The following JAGN1 variants were observed in gnomAD, a reference collection of about 807,000 sequenced individuals.
The protein encoded by JAGN1 is jagunal vesicle mediated transporter 1.
In JAGN1, 13 loss-of-function variants were observed where a neutral mutation model predicts 17.1. That is an observed-to-expected ratio of 0.76 (90% confidence interval 0.49 to 1.21). The LOEUF (loss-of-function observed/expected upper bound fraction) is 1.21. Ranked by LOEUF, JAGN1 falls within the 50% of genes most tolerant of loss-of-function variation. The pLI, the probability that JAGN1 is intolerant of heterozygous loss-of-function variation, is 0.00. For synonymous variants in JAGN1, 111 were observed against 91.0 expected, an observed-to-expected ratio of 1.22 and a Z score of -1.25; for missense variants, 256 against 234.2, an observed-to-expected ratio of 1.09 and a Z score of -0.61.
At chr3:9,892,523 C>A (rs914352652) in intron 1 of JAGN1, among the ~76,000 whole-genome samples, 2 of 152,072 alleles carry the variant, frequency 1.3e-5, no homozygotes, top group Non-Finnish European at 2.9e-5. Flanking sequence ...CCCCTCTCCC[C>A]CTAACAATAT....
rs2082577581 is a variant in JAGN1 at position 9,893,550 on chromosome 3, T to A, written c.*173T>A. The A allele has an allele frequency of 3.4e-6, 2 of 587,642 alleles. No individual in the cohort carries two copies. The highest frequency in any genetic ancestry group is 4.6e-5 in the South Asian group (2 of 43,424). The allele number at this position is 587,642 out of a possible 1,614,324, so 36.4% of individuals were successfully genotyped here. A position where few individuals can be genotyped will look rare whatever the true frequency, so the allele number is the denominator to read the frequency against. On this transcript the variant is annotated 3_prime_UTR_variant, in exon 2 of 2. Coordinates refer to ENST00000647897, the MANE Select transcript of JAGN1 (RefSeq NM_032492.4). ...CTGCTGAGGTGGCAAAACTATAATT[T>A]ATTCCTGGTTGGCTAGAACTGGGTG...
At position 9,890,654 on chromosome 3, in the gene JAGN1, T is replaced by G; in HGVS notation, c.-69T>G. ...GCTGCGGGGGCGCAAATAGGGTCAG[T>G]GGGCCGCTTGGCGGTGTCGTTGCGG... On this transcript the variant is annotated 5_prime_UTR_variant, in exon 1 of 2. Transcript: ENST00000647897. The G allele has an allele frequency of 6.8e-7, 1 of 1,476,664 alleles. No individual in the cohort carries two copies. 91.5% of individuals were successfully genotyped at this position (1,476,664 alleles called of 1,614,324 possible).
chr3:9,891,883 A>C (rs2082564736), intron 1 of JAGN1, among the ~76,000 whole-genome samples: 1 of 152,134 alleles, frequency 6.6e-6, no homozygotes, highest in Admixed American at 6.5e-5. Context: ...CTAGCTGGAG[A>C]AGTATGGGCG....
At position 9,890,661 on chromosome 3, in the gene JAGN1, C is replaced by A; in HGVS notation, c.-62C>A. ...GGGCGCAAATAGGGTCAGTGGGCCG[C>A]TTGGCGGTGTCGTTGCGGTACCAGG... On this transcript the variant is annotated 5_prime_UTR_variant, in exon 1 of 2. Transcript: ENST00000647897. 3 of 1,505,344 alleles carry A rather than the reference C, an allele frequency of 2.0e-6. No individual in the cohort carries two copies. Among genetic ancestry groups the A allele is most frequent in the East Asian group, 2.4e-5 (1 of 42,006 alleles). 93.2% of individuals were successfully genotyped at this position (1,505,344 alleles called of 1,614,324 possible).
At chr3:9,892,358 T>C (rs2082568514) in intron 1 of JAGN1, among the ~76,000 whole-genome samples, 2 of 144,664 alleles carry the variant, frequency 1.4e-5, no homozygotes, top group African/African-American at 2.6e-5. Flanking sequence ...TTTTTTTTTA[T>C]GGAGATGGGG....
At chr3:9,890,903 C>T (rs1389705761) in intron 1 of JAGN1, 92 bp downstream of exon 1, 30 of 1,128,166 alleles carry the variant, frequency 2.7e-5, no homozygotes, top group Non-Finnish European at 3.4e-5. Flanking sequence ...CAGGGTCTTG[C>T]TCCCCAGCCA....
chr3:9,893,198 G>T lies in JAGN1; in HGVS notation c.373G>T (p.Ala125Ser). 6.2e-7 allele frequency: 1 copy of T among 1,614,208 alleles called. No homozygotes were observed. The highest frequency in any genetic ancestry group is 8.5e-7 in the Non-Finnish European group (1 of 1,180,028). Reference protein sequence around the residue: ...LIYGSMEMFPAAQQLYRHGKA... With the variant: ...LIYGSMEMFPSAQQLYRHGKA... ...TTATGGCAGCATGGAGATGTTCCCT[G>T]CTGCACAGCAGCTCTACCGCCATGG... The change falls in exon 2 of 2, where the codon GCT becomes TCT. Residue 125 changes from alanine to serine, a missense_variant. Coordinates refer to ENST00000647897, the MANE Select transcript of JAGN1 (RefSeq NM_032492.4).
Position 9,893,491 on chromosome 3 carries a change from C to T in JAGN1, c.*114C>T, listed in dbSNP as rs756964503. On this transcript the variant is annotated 3_prime_UTR_variant, in exon 2 of 2. Transcript: ENST00000647897. ...CTGTGATGTTGGTACCTGGTGCAGA[C>T]CAGGCCAAAGTTCTGGAAAGCTCCT... 2 of 853,982 alleles carry T rather than the reference C, an allele frequency of 2.3e-6. No homozygotes were observed. The highest frequency in any genetic ancestry group is 3.5e-6 in the Non-Finnish European group (2 of 567,086). The allele number at this position is 853,982 out of a possible 1,614,324, so 52.9% of individuals were successfully genotyped here.
At position 9,890,612 on chromosome 3, in the gene JAGN1, C is replaced by T. The variant is rs1163610752; in HGVS notation, c.-111C>T. 3 of 1,020,174 alleles carry T rather than the reference C, an allele frequency of 2.9e-6. No homozygotes were observed. The highest frequency in any genetic ancestry group is 2.9e-6 in the Non-Finnish European group (2 of 696,110). 63.2% of individuals were successfully genotyped at this position (1,020,174 alleles called of 1,614,324 possible). On this transcript the variant is annotated 5_prime_UTR_variant, in exon 1 of 2. Transcript: ENST00000647897. The stretch of plus-strand genomic sequence containing the variant: ...CAGAGACAGAGGGGCCGGAAGTTCT[C>T]TTCACGGAGCCGCGCGGCTGCGGGG...
In JAGN1 at chr3:9,891,006, C is replaced by G. The variant is rs1350057657; in HGVS notation, c.89+195C>G. On this transcript the variant is annotated intron_variant, in intron 1 of 1. Coordinates refer to ENST00000647897, the MANE Select transcript of JAGN1 (RefSeq NM_032492.4). ...CCCCGTGGCCCCCGCGAGCTCCACC[C>G]CTTGTTCCGCCCGGTGCCTTGAGGG... is the stretch of plus-strand genomic sequence containing the variant. Among the ~76,000 whole-genome samples the G allele has an allele frequency of 2.0e-5, 3 of 152,254 alleles. No individual in the cohort carries two copies. The East Asian group carries it at 5.8e-4, about 29-fold the overall frequency.
rs2125061122 is a variant in JAGN1, at chr3:9,893,018, C to T, written c.193C>T (p.His65Tyr). 6.2e-7 allele frequency: 1 copy of T among 1,614,186 alleles called. No individual in the cohort carries two copies. Among genetic ancestry groups the T allele is most frequent in the Non-Finnish European group, 8.5e-7 (1 of 1,180,000 alleles). The part of the protein sequence containing the change: ...MSVGHLRLLS[H>Y]DQVAMPYQWE... ...CGTGGGACACCTGAGGCTCTTGTCACATGATCAGGTGGCCATGCCCTATCA... is the reference window on the plus strand; with the variant it reads ...CGTGGGACACCTGAGGCTCTTGTCATATGATCAGGTGGCCATGCCCTATCA... The change falls in exon 2 of 2, where the codon CAT (histidine) becomes TAT (tyrosine). Residue 65 changes from histidine (H) to tyrosine (Y), a missense_variant. His to Tyr is a moderately conservative substitution (Grantham distance 83). Transcript: ENST00000647897.
chr3:9,892,890 C>A (rs772221562), intron 1 of JAGN1, 25 bp from the exon 2 acceptor site: 1 of 1,520,530 alleles, frequency 6.6e-7, no homozygotes, highest in East Asian at 2.3e-5. Flanking sequence ...TTGAAAGATA[C>A]TTCTCCCTCT....
Position 9,890,755 on chromosome 3 carries a change from C to T in JAGN1, c.33C>T (p.Gly11=). The T allele has an allele frequency of 6.2e-7, 1 of 1,609,968 alleles. No homozygotes were observed. Among genetic ancestry groups the T allele is most frequent in the Non-Finnish European group, 8.5e-7 (1 of 1,178,870 alleles). The change falls in exon 1 of 2, where the codon GGC becomes GGT. Residue 11 remains glycine, a synonymous_variant. Coordinates refer to ENST00000647897, the MANE Select transcript of JAGN1 (RefSeq NM_032492.4). The part of the protein sequence containing the change: MASRAGPRAA[G]TDGSDFQHRE... ...CTCGAGCAGGCCCGCGAGCGGCCGG[C>T]ACCGACGGCAGCGACTTTCAGCACC...
Position 9,892,914 on chromosome 3 carries a change from G to T in JAGN1, c.90-1G>T. The T allele has an allele frequency of 6.2e-7, 1 of 1,603,990 alleles. No homozygotes were observed. The highest frequency in any genetic ancestry group is 8.5e-7 in the Non-Finnish European group (1 of 1,171,332). ...ACTTCTCCCTCTGCTCTGCCCCACA[G>T]TGTGACTCTCAAGTATGAAATCAAG... On this transcript the variant is annotated splice_acceptor_variant, in intron 1 of 1. Coordinates refer to ENST00000647897, the MANE Select transcript of JAGN1 (RefSeq NM_032492.4). LOFTEE classifies it high-confidence loss of function.
In JAGN1 at chr3:9,893,694, T is replaced by G. The variant is rs1217457635; in HGVS notation, c.*317T>G. The G allele has an allele frequency of 3.2e-6, 1 of 310,254 alleles. No homozygotes were observed. The highest frequency in any genetic ancestry group is 4.7e-5 in the Admixed American group (1 of 21,316). 19.2% of individuals were successfully genotyped at this position (310,254 alleles called of 1,614,324 possible). On this transcript the variant is annotated 3_prime_UTR_variant, in exon 2 of 2. Transcript: ENST00000647897. ...TCTCCCCATTTCCATCCATTACCCC[T>G]TAGCCATTGAGACTAAAGGAAATAG...
At chr3:9,892,282 C>A (rs543079306) in intron 1 of JAGN1, among the ~76,000 whole-genome samples, 1 of 151,822 alleles carries the variant, frequency 6.6e-6, no homozygotes, top group Non-Finnish European at 1.5e-5. Context: ...TCCCAAAGTG[C>A]TGGGATTACA....
intron 1 of JAGN1, among the ~76,000 whole-genome samples, chr3:9,891,265 G>A (rs1244250110): frequency 6.6e-6 from 1 of 152,186 alleles, no homozygotes; most frequent in African/African-American, 2.4e-5. Flanking sequence ...ATTTTGGGCC[G>A]TTTGGGGGGA....
At chr3:9,891,803 GA>G (rs2082564288) in intron 1 of JAGN1, among the ~76,000 whole-genome samples, 1 of 152,142 alleles carries the variant, frequency 6.6e-6, no homozygotes, top group South Asian at 2.1e-4. Flanking sequence ...GGGATATGAG[GA>G]GGATACGTTT....
At chr3:9,890,941 C>A in intron 1 of JAGN1, 130 bp downstream of exon 1, 1 of 774,484 alleles carries the variant, frequency 1.3e-6, no homozygotes, top group Non-Finnish European at 2.1e-6. Context: ...AAGTCCCCTC[C>A]TCCCGTGACG....
Sources: gnomAD v4.1 joint callset for allele counts (sites outside exome capture counted in the v4.1 genomes callset) on GRCh38, gnomAD v4.1.1 for gene constraint, MANE v1.5 for transcripts, NCBI Gene and HGNC (gene_info 2026-07-23, HGNC 2026-07-21) for gene names.